Variants in MACF1 observed in about 807,000 individuals in gnomAD.
MACF1 encodes the protein microtubule actin crosslinking factor 1.
In MACF1, 193 loss-of-function variants were observed where a neutral mutation model predicts 854.8. That is an observed-to-expected ratio of 0.23 (90% confidence interval 0.20 to 0.25). The LOEUF is 0.25. Among genes scored for constraint, MACF1 ranks in the 10% least tolerant of loss-of-function variants. MACF1 has a pLI of 1.00. For missense variants in MACF1, 7,722 were observed against 8,929.1 expected (o/e 0.86, Z 5.45); for synonymous variants, 3,185 against 3,226.7 (o/e 0.99, Z 0.44).
chr1:39,450,693 G>A (rs1378644085), intron 84 of MACF1, among the ~76,000 whole-genome samples: 3 of 143,146 alleles, frequency 2.1e-5, no homozygotes, highest in African/African-American at 7.7e-5. Context: ...CTCACTGCAA[G>A]CTCTGCCTCC....
Position 39,409,321 on chromosome 1 carries a change from G to A in MACF1, c.15817-13053G>A, listed in dbSNP as rs1395282441. ...CCGGGGACTGGCGGCGGCGGGCGAG[G>A]CGGCGCCCACAGCACTCGGGACTCA... On this transcript the variant is annotated intron_variant, in intron 58 of 100. Transcript: ENST00000564288. The surrounding 1 kb of genome is among the most constrained non-coding windows in gnomAD (Gnocchi z 4.2). 2.6e-5 allele frequency among the ~76,000 whole-genome samples: 4 copies of A among 152,140 alleles called. No individual in the cohort carries two copies. Among genetic ancestry groups the A allele is most frequent in the African/African-American group, 9.6e-5 (4 of 41,462 alleles).
In MACF1 at chr1:39,336,521, T is replaced by C. The variant is rs1646812982; in HGVS notation, c.9933T>C (p.Ser3311=). Residue 3311 remains serine (S), a synonymous_variant, in exon 37 of 101, where the codon TCT becomes TCC. Coordinates refer to ENST00000564288, the MANE Select transcript of MACF1 (RefSeq NM_001394062.1). The part of the protein sequence containing the change: ...EEKTVSLTVC[S]AVKTEKTPQE... ...AGACAGTGTCCCTAACAGTATGCTC[T>C]GCAGTGAAGACAGAGAAGACACCAC... 1 of 1,614,168 alleles carries C rather than the reference T, an allele frequency of 6.2e-7. No homozygotes were observed. The highest frequency in any genetic ancestry group is 1.3e-5 in the African/African-American group (1 of 75,054).
At chr1:39,208,449 G>A (rs535948094) in intron 1 of MACF1, among the ~76,000 whole-genome samples, 1 of 152,044 alleles carries the variant, frequency 6.6e-6, no homozygotes, top group South Asian at 2.1e-4. Flanking sequence ...ATTAAAAACA[G>A]GGACTCTTTT....
At chr1:39,143,811 G>A (rs1421647724) in intron 2 of MACF1, among the ~76,000 whole-genome samples, 1 of 152,048 alleles carries the variant, frequency 6.6e-6, no homozygotes, top group Non-Finnish European at 1.5e-5. Flanking sequence ...GTCTTGCTCT[G>A]TCGCCCAGGC....
chr1:39,281,445 A>G (rs1454882754), intron 6 of MACF1, among the ~76,000 whole-genome samples: 1 of 144,272 alleles, frequency 6.9e-6, no homozygotes, highest in Non-Finnish European at 1.5e-5. Flanking sequence ...TTTTTCTTAA[A>G]TTTGGTAATC....
At chr1:39,459,873 T>C (rs1324741837) in intron 91 of MACF1, 74 of 1,301,098 alleles carry the variant, frequency 5.7e-5, no homozygotes, top group Non-Finnish European at 7.0e-5. Context: ...CTTAGGTCAG[T>C]TGACTTTTAA....
intron 2 of MACF1, among the ~76,000 whole-genome samples, chr1:39,234,429 C>G (rs905552500): frequency 2.7e-5 from 4 of 148,968 alleles, no homozygotes; most frequent in African/African-American, 1.0e-4. Context: ...CTGACCCCCC[C>G]ACCTCCCTCC....
chr1:39,431,434 C>T (rs1357058030), intron 66 of MACF1, among the ~76,000 whole-genome samples: 1 of 152,126 alleles, frequency 6.6e-6, no homozygotes, highest in Non-Finnish European at 1.5e-5. Flanking sequence ...TAGCTGGATA[C>T]ACACCTCTTA....
Position 39,361,689 on chromosome 1 carries a change from T to C in MACF1, c.12771+12T>C, listed in dbSNP as rs765381491. ...TCCAACAGATCCAGGTGAGGATATA[T>C]CTGCCATGTTAGCAGAATAAAGGGA... On this transcript the variant is annotated intron_variant, in intron 49 of 100. Transcript: ENST00000564288. The C allele has an allele frequency of 5.6e-6, 9 of 1,612,728 alleles. No homozygotes were observed. The highest frequency in any genetic ancestry group is 5.9e-6 in the Non-Finnish European group (7 of 1,179,012).
At position 39,469,546 on chromosome 1, in the gene MACF1, G is replaced by A. The variant is rs1336150770; in HGVS notation, c.21890-1G>A. On this transcript the variant is annotated splice_acceptor_variant, in intron 96 of 100. Transcript: ENST00000564288. LOFTEE classifies it high-confidence loss of function. ...TTCTGTTTACGTATTTTTTATTCTA[G>A]TTCACCATCCTGGGAGTAAAATAAA... The A allele has an allele frequency of 6.5e-7, 1 of 1,548,416 alleles. No homozygotes were observed. Among genetic ancestry groups the A allele is most frequent in the African/African-American group, 1.4e-5 (1 of 73,078 alleles).
At chr1:39,443,715 T>G in intron 79 of MACF1, 141 bp downstream of exon 79, 11 of 919,664 alleles carry the variant, frequency 1.2e-5, no homozygotes, top group Non-Finnish European at 1.7e-5. Flanking sequence ...CCTTTGGGGA[T>G]TGCTGCCTGT....
chr1:39,244,630 TGCAGTGGC>T (rs2148326759), intron 2 of MACF1, among the ~76,000 whole-genome samples: 1 of 151,132 alleles, frequency 6.6e-6, no homozygotes, highest in African/African-American at 2.4e-5. Context: ...CAGGCTGAAG[TGCAGTGGC>T]GCCATCTTGG....
intron 2 of MACF1, among the ~76,000 whole-genome samples, chr1:39,097,293 G>T (rs963635361): frequency 6.6e-6 from 1 of 152,066 alleles, no homozygotes; most frequent in African/African-American, 2.4e-5. Context: ...TCTATCCCCA[G>T]AACACACAGA....
At chr1:39,131,179 T>TTA (rs1557472504) in intron 2 of MACF1, among the ~76,000 whole-genome samples, 2 of 141,332 alleles carry the variant, frequency 1.4e-5, no homozygotes, top group Non-Finnish European at 3.1e-5. Context: ...TTTTTTTTTT[T>TTA]AAGAGACAGA....
Position 39,349,640 on chromosome 1 carries a change from C to A in MACF1, c.10965+13C>A. 1 of 1,612,592 alleles carries A rather than the reference C, an allele frequency of 6.2e-7. No homozygotes were observed. Among genetic ancestry groups the A allele is most frequent in the South Asian group, 1.1e-5 (1 of 90,924 alleles). ...AAGTGACTTGAAGGTCAGTGTGAAT[C>A]TGTCAATTTTGACACAAAGTCTCGC... On this transcript the variant is annotated intron_variant, in intron 42 of 100. Coordinates refer to ENST00000564288, the MANE Select transcript of MACF1 (RefSeq NM_001394062.1).
chr1:39,442,824 C>A lies in MACF1; in HGVS notation c.19215C>A (p.Ser6405Arg), dbSNP rs1321194456. Reference sequence around the variant, plus strand: ...GAGATGATGCCAGCAGCTTAAGGAGCCGTTTGGAAGCCATGAACCAATGCT... The same window carrying A: ...GAGATGATGCCAGCAGCTTAAGGAGACGTTTGGAAGCCATGAACCAATGCT... ...SAGDDASSLR[S>R]RLEAMNQCWE... is the part of the protein sequence containing the mutation. The change falls in exon 78 of 101, where the codon AGC becomes AGA. Residue 6405 changes from serine (S) to arginine (R), a missense_variant. This residue lies in a region of MACF1 where 729 missense variants were observed against 900.5 expected (regional missense o/e 0.81). Coordinates refer to ENST00000564288, the MANE Select transcript of MACF1 (RefSeq NM_001394062.1). 1.2e-6 allele frequency: 2 copies of A among 1,613,918 alleles called. No homozygotes were observed. The highest frequency in any genetic ancestry group is 1.3e-5 in the African/African-American group (1 of 74,908).
intron 15 of MACF1, among the ~76,000 whole-genome samples, chr1:39,288,304 C>T (rs1226826161): frequency 6.6e-6 from 1 of 151,888 alleles, no homozygotes; most frequent in Admixed American, 6.6e-5. Flanking sequence ...CGAGACCATC[C>T]TGGCTAACAT....
intron 95 of MACF1, chr1:39,468,184 T>G (rs1570189112): frequency 6.4e-6 from 1 of 156,184 alleles, no homozygotes; most frequent in Admixed American, 6.2e-5. Flanking sequence ...AGGTCAGGAG[T>G]TCAAGACAGC....
In MACF1 at chr1:39,332,193, G is replaced by A; in HGVS notation, c.5605G>A (p.Gly1869Ser). 6.2e-7 allele frequency: 1 copy of A among 1,614,002 alleles called. No individual in the cohort carries two copies. The highest frequency in any genetic ancestry group is 2.2e-5 in the East Asian group (1 of 44,884). Residue 1869 changes from glycine to serine, a missense_variant, in exon 37 of 101, where the codon GGT (glycine) becomes AGT (serine). Physicochemically the swap from Gly to Ser is moderately conservative, Grantham distance 56 (BLOSUM62 0). This residue lies in a region of MACF1 where 1,531 missense variants were observed against 1,601.6 expected (regional missense o/e 0.96). Coordinates refer to ENST00000564288, the MANE Select transcript of MACF1 (RefSeq NM_001394062.1). Reference protein sequence around the residue: ...ILPITDALEQGIVSTELAHKI... With the variant: ...ILPITDALEQSIVSTELAHKI... Reference sequence around the variant, plus strand: ...CCCAATTACAGATGCCCTAGAACAAGGTATTGTGTCTACTGAACTAGCACA... The same window carrying A: ...CCCAATTACAGATGCCCTAGAACAAAGTATTGTGTCTACTGAACTAGCACA...
Sources: gnomAD v4.1 joint callset for allele counts (sites outside exome capture counted in the v4.1 genomes callset) on GRCh38, gnomAD v4.1.1 for gene constraint, gnomAD v4.1.1 regional missense constraint, Gnocchi (gnomAD v3.1) non-coding constraint, MANE v1.5 for transcripts, NCBI Gene and HGNC (gene_info 2026-07-23, HGNC 2026-07-21) for gene names.